COL15A1: variants seen among roughly 807,000 people sequenced by gnomAD.
The protein encoded by COL15A1 is collagen alpha-1(XV) chain.
A neutral mutation model predicts 165.9 loss-of-function variants in COL15A1; 111 were observed. The observed-to-expected ratio is 0.67, with a 90% CI of 0.57 to 0.78. COL15A1 has a LOEUF of 0.78. COL15A1 is among the 30% of genes least tolerant of loss of function. COL15A1 has a pLI of 0.00. For missense variants in COL15A1, 1,745 were observed against 1,789.7 expected, an observed-to-expected ratio of 0.98 and a Z score of 0.45; for synonymous variants, 659 against 674.8, an observed-to-expected ratio of 0.98 and a Z score of 0.36.
chr9:99,068,504 A>G, intron 40 of COL15A1, 51 bp from the exon 41 acceptor site: 1 of 729,332 alleles, frequency 1.4e-6, no homozygotes, highest in Non-Finnish European at 2.1e-6. Context: ...AATCTAACTC[A>G]TTTGTAGGCT....
intron 36 of COL15A1, among the ~76,000 whole-genome samples, chr9:99,061,504 G>C (rs1268064371): frequency 4.6e-5 from 7 of 152,182 alleles, no homozygotes; most frequent in Admixed American, 3.9e-4. Flanking sequence ...AAGACCTTAA[G>C]TATAGTTGCT....
At chr9:99,004,347 A>T (rs1230917882) in intron 8 of COL15A1, among the ~76,000 whole-genome samples, 1 of 152,150 alleles carries the variant, frequency 6.6e-6, no homozygotes, top group Non-Finnish European at 1.5e-5. Flanking sequence ...ACAATGTCAG[A>T]TCCTCCCAGA....
chr9:99,045,546 C>G (rs1223982983), intron 26 of COL15A1, among the ~76,000 whole-genome samples: 1 of 152,232 alleles, frequency 6.6e-6, no homozygotes, highest in East Asian at 1.9e-4. Flanking sequence ...AACTTACTTC[C>G]CTGTGTAGAA....
intron 24 of COL15A1, among the ~76,000 whole-genome samples, chr9:99,043,761 G>A (rs1206406951): frequency 1.3e-5 from 2 of 152,170 alleles, no homozygotes; most frequent in African/African-American, 4.8e-5. Context: ...CCAGGGGCCA[G>A]CATTGAAGTT....
intron 30 of COL15A1, among the ~76,000 whole-genome samples, chr9:99,051,474 C>G (rs1279415347): frequency 6.6e-6 from 1 of 152,208 alleles, no homozygotes; most frequent in Non-Finnish European, 1.5e-5. Flanking sequence ...CTTCCTCTTA[C>G]AGCCAGCATC....
chr9:98,946,559 T>C (rs1837586530), intron 2 of COL15A1, among the ~76,000 whole-genome samples: 2 of 152,324 alleles, frequency 1.3e-5, no homozygotes, highest in South Asian at 4.1e-4. Flanking sequence ...ACAGAGGGGA[T>C]GTGACTTCCT....
intron 2 of COL15A1, among the ~76,000 whole-genome samples, chr9:98,954,010 G>A (rs547198611): frequency 2.6e-5 from 4 of 152,336 alleles, no homozygotes; most frequent in African/African-American, 4.8e-5. Flanking sequence ...CTGAAGAGCC[G>A]CATTAGACTC....
In COL15A1 at chr9:99,009,949, A is replaced by C. The variant is rs189001024; in HGVS notation, c.1353+4899A>C. 5.3e-5 allele frequency among the ~76,000 whole-genome samples: 8 copies of C among 152,346 alleles called. No homozygotes were observed. In the East Asian group the frequency reaches 1.5e-3, roughly 29 times the overall value. On this transcript the variant is annotated intron_variant, in intron 9 of 41. Coordinates refer to ENST00000375001, the MANE Select transcript of COL15A1 (RefSeq NM_001855.5). ...GGGGCCAATATGCTGGTCTTGCATC[A>C]GCATGCCTTTGACATTAATGGTTAA...
chr9:99,053,704 C>G (rs1247459013), intron 31 of COL15A1, among the ~76,000 whole-genome samples: 1 of 152,222 alleles, frequency 6.6e-6, no homozygotes, highest in Admixed American at 6.5e-5. Context: ...GAGGCCTCGA[C>G]AGATGTAGTT....
intron 6 of COL15A1, 99 bp downstream of exon 6, chr9:98,997,180 C>A: frequency 7.0e-7 from 1 of 1,433,116 alleles, no homozygotes; most frequent in East Asian, 2.3e-5. Flanking sequence ...TCTCATTTAA[C>A]CTTCCCCTCA....
intron 13 of COL15A1, 87 bp from the exon 14 acceptor site, chr9:99,023,270 T>A (rs1341199420): frequency 6.8e-7 from 1 of 1,469,662 alleles, no homozygotes; most frequent in Admixed American, 2.5e-5. Context: ...AGGAAACATT[T>A]CCCCATTTTG....
intron 2 of COL15A1, among the ~76,000 whole-genome samples, chr9:98,950,087 T>C (rs1045961312): frequency 3.9e-5 from 6 of 152,380 alleles, no homozygotes; most frequent in African/African-American, 1.2e-4. Context: ...TTCCATTCAT[T>C]TGTTGATGGA....
At chr9:98,966,739 A>AG (rs1358967484) in intron 2 of COL15A1, among the ~76,000 whole-genome samples, 10 of 147,022 alleles carry the variant, frequency 6.8e-5, no homozygotes, top group Non-Finnish European at 1.5e-4. Context: ...GCTTAGGGAG[A>AG]GGGGATTGCA....
Position 99,003,718 on chromosome 9 carries a change from G to A in COL15A1, c.1200+131G>A, listed in dbSNP as rs72737275. On this transcript the variant is annotated intron_variant, in intron 8 of 41. Transcript: ENST00000375001. ...GACAGTCTCATGGGGGCAGTCTGTC[G>A]GAGTAAGCACTAAATAGCATTGACC... is the stretch of plus-strand genomic sequence containing the variant. 2.3e-5 allele frequency: 23 copies of A among 1,010,680 alleles called. No homozygotes were observed. In the Admixed American group the frequency reaches 2.7e-4, roughly 12 times the overall value. The allele number at this position is 1,010,680 out of a possible 1,614,324, so 62.6% of individuals were successfully genotyped here. A position where few individuals can be genotyped will look rare whatever the true frequency, so the allele number is the denominator to read the frequency against.
chr9:99,024,414 A>G (rs916317704), intron 14 of COL15A1, among the ~76,000 whole-genome samples: 10 of 151,654 alleles, frequency 6.6e-5, no homozygotes, highest in African/African-American at 2.2e-4. Flanking sequence ...CCTCCCGAGT[A>G]GCTGGGACTA....
chr9:98,963,887 C>T (rs778854934), intron 2 of COL15A1, among the ~76,000 whole-genome samples: 19 of 152,186 alleles, frequency 1.2e-4, no homozygotes, highest in Non-Finnish European at 2.4e-4. Flanking sequence ...CTTGCAGTGC[C>T]AGGCATGTGA....
intron 9 of COL15A1, among the ~76,000 whole-genome samples, chr9:99,006,728 A>G (rs1183650129): frequency 6.6e-6 from 1 of 151,718 alleles, no homozygotes; most frequent in East Asian, 1.9e-4. Context: ...GGCACTTACG[A>G]CAGAGTGGGA....
chr9:99,007,742 T>C (rs1183941658), intron 9 of COL15A1, among the ~76,000 whole-genome samples: 3 of 152,230 alleles, frequency 2.0e-5, no homozygotes, highest in Admixed American at 2.0e-4. Context: ...AAGTTTAAGT[T>C]GTCTAGCTTC....
At chr9:99,032,916 G>T (rs1839231346) in intron 16 of COL15A1, among the ~76,000 whole-genome samples, 1 of 152,070 alleles carries the variant, frequency 6.6e-6, no homozygotes, top group East Asian at 1.9e-4. Flanking sequence ...ATAATAGCTT[G>T]TCTTTGTGTC....
Sources: gnomAD v4.1 joint callset for allele counts (sites outside exome capture counted in the v4.1 genomes callset) on GRCh38, gnomAD v4.1.1 for gene constraint, MANE v1.5 for transcripts, NCBI Gene and HGNC (gene_info 2026-07-23, HGNC 2026-07-21) for gene names.